IQCM: variants seen among roughly 807,000 people sequenced by gnomAD.
IQCM encodes the protein IQ motif containing M, also known as IQ domain-containing protein M.
In IQCM, 45 loss-of-function variants were observed where a neutral mutation model predicts 57.6. The ratio of observed to expected loss-of-function variants is 0.78; its 90% CI spans 0.62 to 1.00. The LOEUF (loss-of-function observed/expected upper bound fraction) is 1.00, where lower values mean the gene tolerates loss of function less well. Among genes scored for constraint, IQCM ranks in the 50% least tolerant of loss-of-function variants. The probability of loss-of-function intolerance (pLI) is 0.00; values close to 1 mark genes in which losing one functional copy is unlikely to be tolerated. For missense variants in IQCM, 468 were observed against 511.6 expected, an observed-to-expected ratio of 0.91 and a Z score of 0.82; for synonymous variants, 148 against 158.9, an observed-to-expected ratio of 0.93 and a Z score of 0.51.
intron 10 of IQCM, among the ~76,000 whole-genome samples, chr4:149,554,811 T>C (rs1368041249): frequency 6.6e-6 from 1 of 151,922 alleles, no homozygotes; most frequent in Non-Finnish European, 1.5e-5. Context: ...GCCATTCTCC[T>C]GCCTCAGCCT....
chr4:149,580,349 G>C (rs893301182), intron 9 of IQCM, among the ~76,000 whole-genome samples: 3 of 151,724 alleles, frequency 2.0e-5, no homozygotes, highest in African/African-American at 7.3e-5. Context: ...TAAACTCTAG[G>C]CCAGTAAATT....
chr4:149,743,081 C>A (rs1283083832), intron 2 of IQCM, among the ~76,000 whole-genome samples: 2 of 152,110 alleles, frequency 1.3e-5, no homozygotes, highest in Non-Finnish European at 2.9e-5. Flanking sequence ...ATGTGCAAAA[C>A]TCAAAAGATG....
chr4:149,412,083 T>A (rs1733428914), intron 13 of IQCM, among the ~76,000 whole-genome samples: 1 of 152,028 alleles, frequency 6.6e-6, no homozygotes, highest in African/African-American at 2.4e-5. Flanking sequence ...TGTGTGTGTG[T>A]GTGTGTGTGT....
intron 9 of IQCM, among the ~76,000 whole-genome samples, chr4:149,580,423 G>C (rs1327784319): frequency 2.0e-5 from 3 of 151,798 alleles, no homozygotes; most frequent in Non-Finnish European, 4.4e-5. Context: ...CGAAGCAGTG[G>C]TGCCAAGAGC....
At chr4:149,626,372 T>C (rs903314552) in intron 7 of IQCM, among the ~76,000 whole-genome samples, 1 of 148,308 alleles carries the variant, frequency 6.7e-6, no homozygotes, top group Non-Finnish European at 1.5e-5. Context: ...CTTGTGATTG[T>C]GTTAGTTATA....
intron 12 of IQCM, among the ~76,000 whole-genome samples, chr4:149,530,147 T>C (rs1274633671): frequency 6.6e-6 from 1 of 152,144 alleles, no homozygotes; most frequent in Admixed American, 6.6e-5. Flanking sequence ...AAGAAAAATG[T>C]CCCCATCTTG....
chr4:149,667,731 C>T (rs1760865394), intron 7 of IQCM, among the ~76,000 whole-genome samples: 1 of 151,796 alleles, frequency 6.6e-6, no homozygotes, highest in East Asian at 2.0e-4. Flanking sequence ...TAGAGAAGAA[C>T]ATAAATGACC....
At chr4:149,569,110 G>A (rs1750914547) in intron 9 of IQCM, among the ~76,000 whole-genome samples, 1 of 152,180 alleles carries the variant, frequency 6.6e-6, no homozygotes, top group Non-Finnish European at 1.5e-5. Flanking sequence ...GCCACATGGG[G>A]AAGAGAGAAG....
At chr4:149,578,638 AAAGAT>A (rs1231159189) in intron 9 of IQCM, among the ~76,000 whole-genome samples, 2 of 151,828 alleles carry the variant, frequency 1.3e-5, no homozygotes, top group Admixed American at 1.3e-4. Flanking sequence ...AAAAAGGGTG[AAAGAT>A]AAGATTCCTT....
At chr4:149,669,847 G>A (rs952554358) in intron 7 of IQCM, among the ~76,000 whole-genome samples, 4 of 152,044 alleles carry the variant, frequency 2.6e-5, no homozygotes, top group Admixed American at 1.3e-4. Flanking sequence ...TCTCTGTTTT[G>A]GTACCAGCAC....
chr4:149,481,705 T>TTTTTTTTTTTGTTTTG (rs1560895912), intron 12 of IQCM, among the ~76,000 whole-genome samples: 4 of 133,150 alleles, frequency 3.0e-5, no homozygotes, highest in Non-Finnish European at 4.8e-5. Flanking sequence ...AGTTTTGTTT[T>TTTTTTTTTTTGTTTTG]TTTTTTTTTT....
At chr4:149,763,446 G>GAAAA (rs1277473298) in intron 2 of IQCM, among the ~76,000 whole-genome samples, 1 of 152,030 alleles carries the variant, frequency 6.6e-6, no homozygotes, top group African/African-American at 2.4e-5. Flanking sequence ...AAGAGGCTTA[G>GAAAA]AAAAGCACAA....
At chr4:149,758,033 C>A (rs1459087091) in intron 2 of IQCM, among the ~76,000 whole-genome samples, 1 of 152,032 alleles carries the variant, frequency 6.6e-6, no homozygotes, top group African/African-American at 2.4e-5. Flanking sequence ...TATAAAGCTA[C>A]AGTAATCAGG....
intron 12 of IQCM, among the ~76,000 whole-genome samples, chr4:149,442,530 C>T (rs1736048434): frequency 6.6e-6 from 1 of 152,082 alleles, no homozygotes; most frequent in Admixed American, 6.6e-5. Context: ...TATGTAACTG[C>T]AGGACATTAT....
intron 5 of IQCM, among the ~76,000 whole-genome samples, chr4:149,706,402 T>C (rs1367416864): frequency 6.6e-6 from 1 of 151,966 alleles, no homozygotes; most frequent in African/African-American, 2.4e-5. Flanking sequence ...ATGTGGTATT[T>C]AGGAAATGTT....
At chr4:149,461,311 T>C (rs181332789) in intron 12 of IQCM, among the ~76,000 whole-genome samples, 1 of 152,090 alleles carries the variant, frequency 6.6e-6, no homozygotes, top group East Asian at 1.9e-4. Flanking sequence ...GGAATGCTAT[T>C]GTTTATGGTA....
At chr4:149,691,963 C>T (rs1762972323) in intron 5 of IQCM, among the ~76,000 whole-genome samples, 1 of 152,102 alleles carries the variant, frequency 6.6e-6, no homozygotes, top group Non-Finnish European at 1.5e-5. Context: ...TATTTATTTG[C>T]AAATGCACAG....
intron 12 of IQCM, among the ~76,000 whole-genome samples, chr4:149,526,524 C>CT: frequency 1.3e-5 from 2 of 151,420 alleles, no homozygotes; most frequent in Non-Finnish European, 1.5e-5. Flanking sequence ...TAAAAAATGG[C>CT]TCCTCAAATA....
At chr4:149,379,333 C>T (rs573340271) in intron 13 of IQCM, among the ~76,000 whole-genome samples, 1 of 152,260 alleles carries the variant, frequency 6.6e-6, no homozygotes, top group South Asian at 2.1e-4. Flanking sequence ...ACAGCTTGCA[C>T]CCTGCACATG....
Sources: gnomAD v4.1 joint callset for allele counts (sites outside exome capture counted in the v4.1 genomes callset) on GRCh38, gnomAD v4.1.1 for gene constraint, MANE v1.5 for transcripts, NCBI Gene and HGNC (gene_info 2026-07-23, HGNC 2026-07-21) for gene names.